The following GARNL3 variants were observed in gnomAD, a reference collection of about 807,000 sequenced individuals.
GARNL3 encodes GTPase-activating Rap/Ran-GAP domain-like protein 3.
GARNL3 carries 63 observed loss-of-function variants against 125.0 expected under a neutral mutation model. The ratio of observed to expected loss-of-function variants is 0.50; its 90% CI spans 0.41 to 0.62. The LOEUF (loss-of-function observed/expected upper bound fraction) is 0.62, where lower values mean the gene tolerates loss of function less well. GARNL3 is among the 20% of genes least tolerant of loss of function. GARNL3 has a pLI of 0.00. For missense variants in GARNL3, 994 were observed against 1,244.0 expected (o/e 0.80, Z 3.02); for synonymous variants, 439 against 457.5 (o/e 0.96, Z 0.52).
At chr9:127,269,767 G>A (rs977355706) in intron 1 of GARNL3, among the ~76,000 whole-genome samples, 1 of 123,434 alleles carries the variant, frequency 8.1e-6, no homozygotes, top group East Asian at 2.7e-4. Context: ...TTGGGTTTTT[G>A]TTTTGTTTTG....
At chr9:127,338,292 T>C (rs974972816) in intron 12 of GARNL3, 131 bp downstream of exon 12, 11 of 736,128 alleles carry the variant, frequency 1.5e-5, no homozygotes, top group Admixed American at 1.3e-4. Context: ...CTTACAAAAC[T>C]TTCTTCAAGG....
chr9:127,267,112 GC>G (rs1421655588), intron 1 of GARNL3, among the ~76,000 whole-genome samples: 1 of 152,122 alleles, frequency 6.6e-6, no homozygotes, highest in Non-Finnish European at 1.5e-5. Context: ...AAGAAGCTCT[GC>G]CTTAGAGGAC....
At chr9:127,335,623 ACT>A (rs1265613437) in intron 10 of GARNL3, among the ~76,000 whole-genome samples, 3 of 150,624 alleles carry the variant, frequency 2.0e-5, no homozygotes, top group African/African-American at 4.9e-5. Flanking sequence ...GGTTTCATAG[ACT>A]CTTTTTTGTC....
intron 1 of GARNL3, among the ~76,000 whole-genome samples, chr9:127,272,923 T>A (rs2063859467): frequency 6.6e-6 from 1 of 152,216 alleles, no homozygotes; most frequent in South Asian, 2.1e-4. Flanking sequence ...ATGTAGAATT[T>A]TGAGACTTTA....
intron 21 of GARNL3, among the ~76,000 whole-genome samples, chr9:127,361,301 CT>C (rs1830987226): frequency 6.6e-6 from 1 of 151,848 alleles, no homozygotes; most frequent in Admixed American, 6.6e-5. Context: ...GAGACAGGGT[CT>C]AGCTCTGTCC....
intron 22 of GARNL3, among the ~76,000 whole-genome samples, chr9:127,377,505 G>C (rs1474650454): frequency 6.6e-6 from 1 of 152,146 alleles, no homozygotes; most frequent in Admixed American, 6.5e-5. Context: ...AGCAGAAGCC[G>C]GCCAGGAGGG....
intron 2 of GARNL3, among the ~76,000 whole-genome samples, chr9:127,253,728 G>A (rs2063446623): frequency 6.6e-6 from 1 of 152,140 alleles, no homozygotes; most frequent in Admixed American, 6.5e-5. Flanking sequence ...TGATGGTGAG[G>A]AAGTTAAGAA....
At chr9:127,365,409 C>A in intron 22 of GARNL3, 43 bp downstream of exon 22, 3 of 1,435,078 alleles carry the variant, frequency 2.1e-6, no homozygotes, top group Non-Finnish European at 2.9e-6. Context: ...CTTAAATGGA[C>A]TGCTTTTTTT....
In GARNL3 at chr9:127,332,278, CTG is replaced by C; in HGVS notation, c.602_603del (p.Val201GlufsTer16). 1 of 1,612,210 alleles carries C rather than the reference CTG, an allele frequency of 6.2e-7. No homozygotes were observed. On this transcript the variant is annotated frameshift_variant, in exon 8 of 28. Transcript: ENST00000373387. LOFTEE classifies it high-confidence loss of function. ...ACCTTTTGTTATTATCCTAAGGGCT[CTG>C]TGAATTTCAAGTTTGGGGTTCTTTT...
intron 16 of GARNL3, among the ~76,000 whole-genome samples, chr9:127,348,072 C>T (rs1830234875): frequency 6.6e-6 from 1 of 152,160 alleles, no homozygotes; most frequent in Admixed American, 6.5e-5. Context: ...TCTACTACAG[C>T]CCCAGGTGGG....
chr9:127,365,092 C>CT (rs1169465447), intron 21 of GARNL3: 9 of 502,132 alleles, frequency 1.8e-5, no homozygotes, highest in Admixed American at 3.8e-5. Flanking sequence ...ACTTTTCTTT[C>CT]TTTTTTTTCT....
intron 22 of GARNL3, 139 bp from the exon 23 acceptor site, chr9:127,383,299 C>T (rs1024466511): frequency 1.8e-6 from 1 of 549,606 alleles, no homozygotes; most frequent in Non-Finnish European, 3.3e-6. Context: ...TATCCAGCAT[C>T]ATGGCGGTAT....
At chr9:127,263,434 C>T (rs934231637), upstream of GARNL3, among the ~76,000 whole-genome samples, 18 of 152,286 alleles carry the variant, frequency 1.2e-4, no homozygotes, top group African/African-American at 3.4e-4. Flanking sequence ...ATTGGGCATC[C>T]GCTCTCTGCC....
intron 1 of GARNL3, among the ~76,000 whole-genome samples, chr9:127,236,758 C>A (rs1025538939): frequency 6.6e-6 from 1 of 152,212 alleles, no homozygotes; most frequent in African/African-American, 2.4e-5. Flanking sequence ...CTCAACATTT[C>A]TTTGCTGCTT....
In GARNL3 at chr9:127,313,562, A is replaced by G. The variant is rs769726381; in HGVS notation, c.438+3A>G. On this transcript the variant is annotated splice_donor_region_variant and intron_variant, in intron 4 of 27. Transcript: ENST00000373387. Reference sequence around the variant, plus strand: ...GTGCAATTCTTTGGAGAAAAACAGTAAGTATATGGCTCACACTTGAAGCAA... The same window carrying G: ...GTGCAATTCTTTGGAGAAAAACAGTGAGTATATGGCTCACACTTGAAGCAA... 15 of 1,596,814 alleles carry G rather than the reference A, an allele frequency of 9.4e-6. No homozygotes were observed. The highest frequency in any genetic ancestry group is 1.3e-5 in the Non-Finnish European group (15 of 1,164,342).
chr9:127,311,514 A>G, intron 2 of GARNL3, 122 bp from the exon 3 acceptor site: 2 of 678,142 alleles, frequency 2.9e-6, no homozygotes, highest in South Asian at 3.5e-5. Flanking sequence ...ACATGCAGCC[A>G]CAGCCCTTGG....
upstream of GARNL3, among the ~76,000 whole-genome samples, chr9:127,259,709 T>C (rs1354140524): frequency 1.3e-5 from 2 of 151,980 alleles, no homozygotes; most frequent in Non-Finnish European, 2.9e-5. Context: ...ACTTTCCAGG[T>C]CCCTTTCTAA....
At chr9:127,262,385 G>A (rs1011121008), upstream of GARNL3, among the ~76,000 whole-genome samples, 6 of 152,168 alleles carry the variant, frequency 3.9e-5, no homozygotes, top group South Asian at 8.3e-4. Context: ...TTGAAGCTCT[G>A]CCCTCCTGCA....
intron 14 of GARNL3, among the ~76,000 whole-genome samples, chr9:127,343,894 C>T (rs1829999364): frequency 6.6e-6 from 1 of 152,126 alleles, no homozygotes; most frequent in African/African-American, 2.4e-5. Flanking sequence ...TTGTTGTGTT[C>T]CAGGGGGTGC....
Sources: gnomAD v4.1 joint callset for allele counts (sites outside exome capture counted in the v4.1 genomes callset) on GRCh38, gnomAD v4.1.1 for gene constraint, MANE v1.5 for transcripts, NCBI Gene and HGNC (gene_info 2026-07-23, HGNC 2026-07-21) for gene names.